The following HPSE2 variants were observed in gnomAD, a reference collection of about 807,000 sequenced individuals.
HPSE2 encodes the protein inactive heparanase-2.
HPSE2 carries 38 observed loss-of-function variants against 60.5 expected under a neutral mutation model. The ratio of observed to expected loss-of-function variants is 0.63; its 90% CI spans 0.48 to 0.82. The LOEUF (loss-of-function observed/expected upper bound fraction) is 0.82. HPSE2 is among the 40% of genes least tolerant of loss of function. HPSE2 has a pLI of 0.00. For synonymous variants in HPSE2, 295 were observed against 293.2 expected (o/e 1.01, Z -0.06); for missense variants, 713 against 740.4 (o/e 0.96, Z 0.43).
chr10:99,210,773 A>G (rs573864002), intron 2 of HPSE2, among the ~76,000 whole-genome samples: 1 of 152,208 alleles, frequency 6.6e-6, no homozygotes, highest in Non-Finnish European at 1.5e-5. Context: ...ATGTACCACC[A>G]CACAATAAAG....
chr10:99,072,886 G>A (rs1158677516), intron 3 of HPSE2, among the ~76,000 whole-genome samples: 4 of 133,026 alleles, frequency 3.0e-5, no homozygotes, highest in East Asian at 2.3e-4. Flanking sequence ...CTGAGATTGC[G>A]CCACTGCACT....
At chr10:98,508,047 A>G (rs575621067) in intron 9 of HPSE2, among the ~76,000 whole-genome samples, 156 of 152,322 alleles carry the variant, frequency 1.0e-3, no homozygotes, top group Non-Finnish European at 1.8e-3. Context: ...AGGAAGGCAA[A>G]TACAATGTTT....
chr10:98,968,305 A>G (rs537767358), intron 3 of HPSE2, among the ~76,000 whole-genome samples: 103 of 152,260 alleles, frequency 6.8e-4, no homozygotes, highest in African/African-American at 2.3e-3. Context: ...TATTATTAAC[A>G]TTTCCTGCAT....
At chr10:98,900,510 A>G (rs1239853751) in intron 3 of HPSE2, among the ~76,000 whole-genome samples, 2 of 152,186 alleles carry the variant, frequency 1.3e-5, no homozygotes, top group Non-Finnish European at 2.9e-5. Flanking sequence ...AACATTATGT[A>G]TGATATGGAT....
At chr10:98,538,364 T>C (rs1419516462) in intron 9 of HPSE2, among the ~76,000 whole-genome samples, 4 of 152,338 alleles carry the variant, frequency 2.6e-5, no homozygotes, top group East Asian at 1.9e-4. Context: ...CATCTTTTTA[T>C]GGGTCCTGAC....
intron 3 of HPSE2, among the ~76,000 whole-genome samples, chr10:98,877,416 T>A (rs1400547934): frequency 2.0e-5 from 3 of 152,052 alleles, no homozygotes; most frequent in East Asian, 3.9e-4. Flanking sequence ...ACTCAAACTC[T>A]CTGTGTTCAA....
intron 3 of HPSE2, among the ~76,000 whole-genome samples, chr10:98,840,364 G>C (rs1300281289): frequency 2.0e-5 from 3 of 152,206 alleles, no homozygotes; most frequent in African/African-American, 7.2e-5. Context: ...GTTTTGAACA[G>C]AGGAATGCCT....
At chr10:99,131,482 T>C (rs1845382105) in intron 3 of HPSE2, among the ~76,000 whole-genome samples, 1 of 151,922 alleles carries the variant, frequency 6.6e-6, no homozygotes. Flanking sequence ...GATATATATT[T>C]ATATATGTGT....
intron 6 of HPSE2, among the ~76,000 whole-genome samples, chr10:98,684,238 C>T (rs1194334571): frequency 6.6e-6 from 1 of 152,068 alleles, no homozygotes; most frequent in African/African-American, 2.4e-5. Flanking sequence ...TCAGGAAACA[C>T]GGCAATCAAC....
intron 3 of HPSE2, among the ~76,000 whole-genome samples, chr10:99,018,861 T>C (rs1957200138): frequency 6.6e-6 from 1 of 152,200 alleles, no homozygotes; most frequent in Admixed American, 6.5e-5. Context: ...CCTTTAAGCA[T>C]AAAGTAAGCT....
the HPSE2 span, among the ~76,000 whole-genome samples, chr10:99,255,990 A>G: frequency 6.6e-6 from 1 of 152,274 alleles, no homozygotes. Flanking sequence ...AGCAGAGGCC[A>G]GCACATCTTC....
chr10:99,281,505 T>A, the HPSE2 span, among the ~76,000 whole-genome samples: 1 of 152,010 alleles, frequency 6.6e-6, no homozygotes, highest in African/African-American at 2.4e-5. Flanking sequence ...AACTTATAAC[T>A]CCTAAAATTC....
chr10:99,048,846 G>T (rs2135493562), intron 3 of HPSE2, among the ~76,000 whole-genome samples: 1 of 152,112 alleles, frequency 6.6e-6, no homozygotes, highest in South Asian at 2.1e-4. Context: ...CATCAGTGGT[G>T]GACTAGATAA....
intron 3 of HPSE2, among the ~76,000 whole-genome samples, chr10:98,822,426 T>G (rs1031597100): frequency 4.6e-5 from 7 of 152,142 alleles, no homozygotes; most frequent in African/African-American, 1.7e-4. Flanking sequence ...ATTTCAAGAA[T>G]AATCACTAAA....
rs10444019 is a variant in HPSE2 at position 98,861,538 on chromosome 10, G to A, written c.611-117482C>T. On this transcript the variant is annotated intron_variant, in intron 3 of 11. Coordinates refer to ENST00000370552, the MANE Select transcript of HPSE2 (RefSeq NM_021828.5). ...CACAATTTGGCTTGAAAACTATACCGAATGCATGTTAATTCAGTAACACAT... is the reference window on the plus strand; with the variant it reads ...CACAATTTGGCTTGAAAACTATACCAAATGCATGTTAATTCAGTAACACAT... Among the ~76,000 whole-genome samples, 540 of 152,192 alleles carry A rather than the reference G, an allele frequency of 3.5e-3. 1 individual carries two copies. Among genetic ancestry groups the A allele is most frequent in the Admixed American group, 6.8e-3 (104 of 15,274 alleles).
intron 3 of HPSE2, among the ~76,000 whole-genome samples, chr10:99,042,603 G>A (rs1334752083): frequency 6.6e-6 from 1 of 151,982 alleles, no homozygotes; most frequent in East Asian, 1.9e-4. Flanking sequence ...ACAAAAAAGG[G>A]TGAGTCTGGC....
chr10:99,301,057 T>C, the HPSE2 span, among the ~76,000 whole-genome samples: 95 of 152,352 alleles, frequency 6.2e-4, no homozygotes, highest in Non-Finnish European at 1.0e-3. Context: ...CCTTACAATA[T>C]TGACCCAAGT....
At chr10:98,654,124 TG>T (rs1565051440) in intron 6 of HPSE2, among the ~76,000 whole-genome samples, 1 of 152,136 alleles carries the variant, frequency 6.6e-6, no homozygotes, top group East Asian at 1.9e-4. Context: ...GTTTTCCTAT[TG>T]TTTTTCAAGA....
Position 98,939,590 on chromosome 10 carries a change from G to C in HPSE2, c.611-195534C>G, listed in dbSNP as rs868557294. On this transcript the variant is annotated intron_variant, in intron 3 of 11. Transcript: ENST00000370552. ...CACCCAGATTCATGAAGCAAGTCCT[G>C]AGTGACCTACAAAGAGACTTAGACA... Among the ~76,000 whole-genome samples, 48 of 143,470 alleles carry C rather than the reference G, an allele frequency of 3.3e-4. 9 individuals carry two copies. The highest frequency in any genetic ancestry group is 1.1e-3 in the African/African-American group (40 of 35,126). The allele number at this position is 143,470 out of a possible 152,430, so 94.1% of individuals were successfully genotyped here.
Sources: gnomAD v4.1 joint callset for allele counts (sites outside exome capture counted in the v4.1 genomes callset) on GRCh38, gnomAD v4.1.1 for gene constraint, MANE v1.5 for transcripts, NCBI Gene and HGNC (gene_info 2026-07-23, HGNC 2026-07-21) for gene names.